Variants in MEOX2 observed in about 807,000 individuals in gnomAD.
MEOX2 encodes the protein mesenchyme homeobox 2, also known as homeobox protein MOX-2.
MEOX2 carries 11 observed loss-of-function variants against 27.0 expected under a neutral mutation model. The ratio of observed to expected loss-of-function variants is 0.41; its 90% confidence interval spans 0.26 to 0.68. The LOEUF is 0.68. Ranked by LOEUF, MEOX2 falls within the 30% of genes least tolerant of loss-of-function variation. The probability of loss-of-function intolerance (pLI) is 0.33; values close to 1 mark genes in which losing one functional copy is unlikely to be tolerated. For synonymous variants in MEOX2, 189 were observed against 155.4 expected (o/e 1.22, Z -1.61); for missense variants, 436 against 385.4 (o/e 1.13, Z -1.10).
At chr7:15,624,734 A>G (rs1781271987) in intron 2 of MEOX2, among the ~76,000 whole-genome samples, 1 of 152,172 alleles carries the variant, frequency 6.6e-6, no homozygotes, top group South Asian at 2.1e-4. Context: ...AACCTACAAA[A>G]CCTAAAGCAA....
chr7:15,685,366 CTG>C (rs1436368340), intron 1 of MEOX2, among the ~76,000 whole-genome samples: 1 of 149,972 alleles, frequency 6.7e-6, no homozygotes, highest in Non-Finnish European at 1.5e-5. Flanking sequence ...AAAAAAAAAA[CTG>C]AAACTTTTTT....
chr7:15,633,408 G>C (rs1781431992), intron 1 of MEOX2, among the ~76,000 whole-genome samples: 2 of 151,836 alleles, frequency 1.3e-5, no homozygotes, highest in Non-Finnish European at 2.9e-5. Context: ...TAGTAACTTG[G>C]CAAAGGCAGA....
intron 1 of MEOX2, among the ~76,000 whole-genome samples, chr7:15,672,893 AAAAAAAAAAAAAG>A (rs990917137): frequency 7.7e-5 from 6 of 77,890 alleles, no homozygotes; most frequent in Admixed American, 1.5e-4. Flanking sequence ...TTCTGTCTTG[AAAAAAAAAAAAAG>A]AAAAAGAAAA....
intron 2 of MEOX2, among the ~76,000 whole-genome samples, chr7:15,618,655 A>G (rs528913330): frequency 5.9e-5 from 9 of 152,068 alleles, no homozygotes; most frequent in African/African-American, 2.2e-4. Flanking sequence ...TATTACTATG[A>G]TTCAATCTAA....
chr7:15,668,500 G>C (rs1782044791), intron 1 of MEOX2, among the ~76,000 whole-genome samples: 4 of 151,130 alleles, frequency 2.6e-5, no homozygotes, highest in African/African-American at 7.3e-5. Flanking sequence ...TTTTTCTTTT[G>C]AGACAGAGTT....
intron 1 of MEOX2, among the ~76,000 whole-genome samples, chr7:15,650,984 GAGAT>G (rs1781724260): frequency 1.3e-5 from 2 of 151,992 alleles, no homozygotes; most frequent in Non-Finnish European, 2.9e-5. Context: ...ACAGAAGACT[GAGAT>G]AGAGCATGCG....
Position 15,645,296 on chromosome 7 carries a change from A to G in MEOX2, c.518-18378T>C, listed in dbSNP as rs1190817235. 4.6e-5 allele frequency among the ~76,000 whole-genome samples: 7 copies of G among 152,332 alleles called. No homozygotes were observed. The East Asian group carries it at 1.4e-3, about 29-fold the overall frequency. On this transcript the variant is annotated intron_variant, in intron 1 of 2. Transcript: ENST00000262041. Reference sequence around the variant, plus strand: ...AAATTGCTAGGAGTAGCCATAAATAAGTACAAAAGATTTCTTTTTAATCAT... The same window carrying G: ...AAATTGCTAGGAGTAGCCATAAATAGGTACAAAAGATTTCTTTTTAATCAT...
chr7:15,628,820 C>T (rs1781356518), intron 1 of MEOX2, among the ~76,000 whole-genome samples: 1 of 152,042 alleles, frequency 6.6e-6, no homozygotes, highest in South Asian at 2.1e-4. Context: ...ACAACATTTC[C>T]AAATGATTGA....
chr7:15,647,377 A>T (rs1781668094), intron 1 of MEOX2, among the ~76,000 whole-genome samples: 1 of 152,110 alleles, frequency 6.6e-6, no homozygotes, highest in Non-Finnish European at 1.5e-5. Context: ...ATGGTAAGAT[A>T]TTTCCAGACA....
chr7:15,612,612 C>G lies in MEOX2; in HGVS notation c.691-1G>C. 6.2e-7 allele frequency: 1 copy of G among 1,613,238 alleles called. No homozygotes were observed. Among genetic ancestry groups the G allele is most frequent in the Non-Finnish European group, 8.5e-7 (1 of 1,179,268 alleles). On this transcript the variant is annotated splice_acceptor_variant, in intron 2 of 2. Transcript: ENST00000262041. LOFTEE classifies it high-confidence loss of function. ...GCCTGTTTTGGAACCAGACTTTCAC[C>G]TTCAACCAAGAAAGGGAACAAACAA...
chr7:15,642,793 G>A (rs1435014922), intron 1 of MEOX2, among the ~76,000 whole-genome samples: 1 of 152,070 alleles, frequency 6.6e-6, no homozygotes, highest in Non-Finnish European at 1.5e-5. Flanking sequence ...CCCTCTTGAG[G>A]GTGTAACTAT....
At chr7:15,622,591 T>C (rs570220803) in intron 2 of MEOX2, among the ~76,000 whole-genome samples, 12 of 152,228 alleles carry the variant, frequency 7.9e-5, no homozygotes, top group Admixed American at 3.3e-4. Context: ...AGAATGAATA[T>C]GAAAAGACAA....
chr7:15,644,122 A>G (rs1026426118), intron 1 of MEOX2, among the ~76,000 whole-genome samples: 2 of 152,182 alleles, frequency 1.3e-5, no homozygotes, highest in Admixed American at 6.5e-5. Context: ...CTAGCCTAGC[A>G]GACAGCAGGA....
chr7:15,675,625 C>T (rs1782180802), intron 1 of MEOX2, among the ~76,000 whole-genome samples: 1 of 152,190 alleles, frequency 6.6e-6, no homozygotes, highest in Admixed American at 6.5e-5. Flanking sequence ...CTAGGAAATA[C>T]ATTCATTGAA....
intron 2 of MEOX2, among the ~76,000 whole-genome samples, chr7:15,618,353 T>A (rs900070984): frequency 1.3e-5 from 2 of 152,032 alleles, no homozygotes; most frequent in African/African-American, 4.8e-5. Context: ...TTAGGCACTT[T>A]TTTTCTTTAT....
At chr7:15,675,335 G>A (rs767792748) in intron 1 of MEOX2, among the ~76,000 whole-genome samples, 6 of 152,156 alleles carry the variant, frequency 3.9e-5, no homozygotes, top group African/African-American at 9.7e-5. Context: ...GCTGAAAAAT[G>A]TCTGAGGTAA....
In MEOX2 at chr7:15,686,324, G is replaced by C. The variant is rs141763500; in HGVS notation, c.79C>G (p.Leu27Val). 1 of 1,606,000 alleles carries C rather than the reference G, an allele frequency of 6.2e-7. No homozygotes were observed. The highest frequency in any genetic ancestry group is 8.5e-7 in the Non-Finnish European group (1 of 1,175,970). The change falls in exon 1 of 3, where the codon CTC becomes GTC. Residue 27 changes from leucine to valine, a missense_variant. Transcript: ENST00000262041. Reference protein sequence around the residue: ...QGLHPFSQSSLALHGRSDHMS... With the variant: ...QGLHPFSQSSVALHGRSDHMS... ...TGGTCAGATCTTCCATGGAGGGCGA[G>C]AGAGGATTGGGAGAACGGGTGCAAG... is the stretch of plus-strand genomic sequence containing the variant.
intron 2 of MEOX2, among the ~76,000 whole-genome samples, chr7:15,622,522 T>C (rs975480611): frequency 6.6e-6 from 1 of 152,160 alleles, no homozygotes; most frequent in Non-Finnish European, 1.5e-5. Flanking sequence ...TTCCTTGGTG[T>C]ATATGTTTAT....
chr7:15,627,361 C>G (rs540961199), intron 1 of MEOX2, among the ~76,000 whole-genome samples: 2 of 152,126 alleles, frequency 1.3e-5, no homozygotes, highest in Admixed American at 6.6e-5. Context: ...CGTTTAGCAA[C>G]TGGACCATAA....
Sources: allele counts gnomAD v4.1 joint callset (sites outside exome capture counted in the v4.1 genomes callset), GRCh38; gene constraint gnomAD v4.1.1; transcripts MANE v1.5; gene names NCBI Gene and HGNC (gene_info 2026-07-23, HGNC 2026-07-21).